DPP6: variants seen among roughly 807,000 people sequenced by gnomAD.
DPP6 encodes A-type potassium channel modulatory protein DPP6.
DPP6 carries 69 observed loss-of-function variants against 122.6 expected under a neutral mutation model. The observed-to-expected ratio is 0.56, with a 90% CI of 0.46 to 0.69. DPP6 has a LOEUF of 0.69. Ranked by LOEUF, DPP6 falls within the 30% of genes least tolerant of loss-of-function variation. The pLI, the probability that DPP6 is intolerant of heterozygous loss-of-function variation, is 0.00. For synonymous variants in DPP6, 418 were observed against 433.1 expected, an observed-to-expected ratio of 0.97 and a Z score of 0.43; for missense variants, 928 against 1,116.9, an observed-to-expected ratio of 0.83 and a Z score of 2.41.
At chr7:154,493,239 G>A (rs75667649) in intron 3 of DPP6, among the ~76,000 whole-genome samples, 2,876 of 152,194 alleles carry the variant, frequency 0.019, 88 homozygotes, top group African/African-American at 0.064. Context: ...TGGTGCTTTT[G>A]GGTCAAGCAT....
chr7:154,766,713 G>A (rs1254259448), intron 8 of DPP6, among the ~76,000 whole-genome samples: 1 of 152,178 alleles, frequency 6.6e-6, no homozygotes, highest in Non-Finnish European at 1.5e-5. Context: ...TGATAAGATC[G>A]ATGGAAATAG....
chr7:154,281,169 C>T (rs916676067), intron 1 of DPP6, among the ~76,000 whole-genome samples: 7 of 151,974 alleles, frequency 4.6e-5, no homozygotes, highest in African/African-American at 1.7e-4. Flanking sequence ...TGCACCACCA[C>T]GGCCAGCTAA....
intron 5 of DPP6, among the ~76,000 whole-genome samples, chr7:154,623,468 T>C (rs1309009534): frequency 1.3e-5 from 2 of 152,196 alleles, no homozygotes; most frequent in Non-Finnish European, 2.9e-5. Context: ...ACCTTGAATA[T>C]GATACTTCAA....
intron 1 of DPP6, among the ~76,000 whole-genome samples, chr7:154,336,148 G>A (rs1809397553): frequency 6.6e-6 from 1 of 152,104 alleles, no homozygotes; most frequent in Admixed American, 6.5e-5. Flanking sequence ...TGCAGCCTCT[G>A]AAATGCAGCG....
chr7:154,362,378 C>A lies in DPP6; in HGVS notation c.244-83836C>A, dbSNP rs1811803841. The stretch of plus-strand genomic sequence containing the variant: ...TAAAATTATTTGTCATTCGGTACAA[C>A]AAAGATACCACTGCCTCCCTAGCAA... On this transcript the variant is annotated intron_variant, in intron 1 of 25. Transcript: ENST00000377770. 2.0e-5 allele frequency among the ~76,000 whole-genome samples: 3 copies of A among 152,118 alleles called. No individual in the cohort carries two copies. In the South Asian group the frequency reaches 6.2e-4, roughly 32 times the overall value.
chr7:154,828,004 G>A (rs945819148), intron 16 of DPP6, among the ~76,000 whole-genome samples: 1 of 152,168 alleles, frequency 6.6e-6, no homozygotes, highest in Non-Finnish European at 1.5e-5. Context: ...GACTGGAACT[G>A]GGGGGAGTGG....
At chr7:154,770,829 T>G (rs1183293075) in intron 9 of DPP6, among the ~76,000 whole-genome samples, 1 of 152,218 alleles carries the variant, frequency 6.6e-6, no homozygotes, top group Non-Finnish European at 1.5e-5. Flanking sequence ...GGCCTGATAC[T>G]AAAACCTCCA....
At chr7:154,748,874 G>C (rs1250143653) in intron 8 of DPP6, among the ~76,000 whole-genome samples, 4 of 152,208 alleles carry the variant, frequency 2.6e-5, no homozygotes, top group Non-Finnish European at 5.9e-5. Flanking sequence ...CAGTACCGCA[G>C]GCTTGCTGCA....
At chr7:154,434,986 G>A (rs776205834) in intron 1 of DPP6, among the ~76,000 whole-genome samples, 5 of 152,012 alleles carry the variant, frequency 3.3e-5, no homozygotes, top group South Asian at 2.1e-4. Context: ...ACAGGCACAC[G>A]CCCTTATGCC....
At chr7:153,784,141 T>C in the DPP6 span, among the ~76,000 whole-genome samples, 3 of 152,220 alleles carry the variant, frequency 2.0e-5, no homozygotes, top group East Asian at 5.8e-4. Flanking sequence ...CCATTTCTTG[T>C]TGTACATCTA....
At chr7:154,764,650 A>G (rs1349543573) in intron 8 of DPP6, among the ~76,000 whole-genome samples, 2 of 152,174 alleles carry the variant, frequency 1.3e-5, no homozygotes, top group Admixed American at 6.5e-5. Flanking sequence ...ATTTCCTCCA[A>G]TAAGAAAGAG....
intron 1 of DPP6, among the ~76,000 whole-genome samples, chr7:154,127,654 C>CACACACACACACACAG (rs1808028685): frequency 7.1e-6 from 1 of 140,698 alleles, no homozygotes; most frequent in Admixed American, 6.9e-5. Context: ...CACACACAGA[C>CACACACACACACACAG]ACACACACAC....
chr7:154,685,452 G>A lies in DPP6; in HGVS notation c.762+16011G>A, dbSNP rs542645215. Among the ~76,000 whole-genome samples the A allele has an allele frequency of 3.6e-3, 550 of 152,278 alleles. 3 individuals carry two copies. The highest frequency in any genetic ancestry group is 0.013 in the African/African-American group (522 of 41,544). ...GTTTGGACCAGGGTGGGGCCTGGGCGTCAGGGTATTTGAAAGCTCCCCAGG... is the reference window on the plus strand; with the variant it reads ...GTTTGGACCAGGGTGGGGCCTGGGCATCAGGGTATTTGAAAGCTCCCCAGG... On this transcript the variant is annotated intron_variant, in intron 7 of 25. Transcript: ENST00000377770.
At chr7:154,060,691 C>T (rs199777555) in intron 1 of DPP6, among the ~76,000 whole-genome samples, 1 of 147,438 alleles carries the variant, frequency 6.8e-6, no homozygotes, top group East Asian at 2.0e-4. Context: ...CTCTTCCGCC[C>T]CTGGCTGTTA....
chr7:153,760,399 C>T, the DPP6 span, among the ~76,000 whole-genome samples: 1 of 152,096 alleles, frequency 6.6e-6, no homozygotes, highest in African/African-American at 2.4e-5. Flanking sequence ...AAATGCCATC[C>T]TTGAATGAGA....
intron 1 of DPP6, among the ~76,000 whole-genome samples, chr7:153,963,323 T>G (rs974040557): frequency 1.1e-4 from 17 of 151,122 alleles, no homozygotes; most frequent in African/African-American, 3.6e-4. Context: ...GGCTTTAGTG[T>G]AGATGATTTC....
chr7:153,772,539 GA>G, the DPP6 span, among the ~76,000 whole-genome samples: 1 of 151,942 alleles, frequency 6.6e-6, no homozygotes, highest in Non-Finnish European at 1.5e-5. Flanking sequence ...GCAAAAATCA[GA>G]AAAAGAAGAA....
intron 8 of DPP6, among the ~76,000 whole-genome samples, chr7:154,746,165 C>T (rs1297790148): frequency 6.6e-6 from 1 of 152,188 alleles, no homozygotes; most frequent in Non-Finnish European, 1.5e-5. Context: ...CATGGCTGAG[C>T]TGGGTCTTCT....
rs1263002343 is a variant in DPP6, at chr7:154,645,872, C to CA, written c.680+8005dup. 3.3e-5 allele frequency among the ~76,000 whole-genome samples: 5 copies of CA among 151,554 alleles called. No homozygotes were observed. The East Asian group carries it at 7.8e-4, about 24-fold the overall frequency. ...TGAAACCCTGTCTCTACTAAAAATA[C>CA]AAAAAATTAGCCAGGCATGGTGGTG... is the stretch of plus-strand genomic sequence containing the variant. On this transcript the variant is annotated intron_variant, in intron 6 of 25. Coordinates refer to ENST00000377770, the MANE Select transcript of DPP6 (RefSeq NM_130797.4).
Sources: allele counts gnomAD v4.1 joint callset (sites outside exome capture counted in the v4.1 genomes callset), GRCh38; gene constraint gnomAD v4.1.1; transcripts MANE v1.5; gene names NCBI Gene and HGNC (gene_info 2026-07-23, HGNC 2026-07-21).